Variants in ZBTB16 observed in about 807,000 individuals in gnomAD.
ZBTB16 encodes zinc finger and BTB domain-containing protein 16.
Under a neutral mutation model 56.8 loss-of-function variants are expected in ZBTB16, and 8 were observed. The ratio of observed to expected loss-of-function variants is 0.14; its 90% CI spans 0.08 to 0.25. The LOEUF (loss-of-function observed/expected upper bound fraction) is 0.25, where lower values mean the gene tolerates loss of function less well. Among genes scored for constraint, ZBTB16 ranks in the 10% least tolerant of loss-of-function variants. The pLI, the probability that ZBTB16 is intolerant of heterozygous loss-of-function variation, is 1.00. For missense variants in ZBTB16, 625 were observed against 903.0 expected, an observed-to-expected ratio of 0.69 and a Z score of 3.95; for synonymous variants, 363 against 368.5, an observed-to-expected ratio of 0.98 and a Z score of 0.17.
chr11:114,190,035 T>C (rs2135069957), intron 4 of ZBTB16, among the ~76,000 whole-genome samples: 2 of 152,312 alleles, frequency 1.3e-5, no homozygotes, highest in East Asian at 3.9e-4. Flanking sequence ...ACAACACAGA[T>C]GAACTTGAAC....
intron 5 of ZBTB16, among the ~76,000 whole-genome samples, chr11:114,245,621 G>T (rs1373948912): frequency 2.6e-5 from 4 of 152,138 alleles, no homozygotes; most frequent in Non-Finnish European, 5.9e-5. Context: ...TTTTAAAAAG[G>T]AAGTGAAGGC....
intron 2 of ZBTB16, among the ~76,000 whole-genome samples, chr11:114,115,341 CTTTTTTT>C (rs35873921): frequency 1.6e-5 from 2 of 127,542 alleles, no homozygotes; most frequent in African/African-American, 3.0e-5. Context: ...CTCCTTCCTC[CTTTTTTT>C]TTTTTTTTTT....
chr11:114,081,444 C>T (rs1023388741), intron 2 of ZBTB16, among the ~76,000 whole-genome samples: 1 of 152,146 alleles, frequency 6.6e-6, no homozygotes, highest in Non-Finnish European at 1.5e-5. Context: ...AATGGAAAGA[C>T]TATGATATAT....
At chr11:114,246,619 G>A (rs535692890) in intron 5 of ZBTB16, among the ~76,000 whole-genome samples, 2 of 152,308 alleles carry the variant, frequency 1.3e-5, no homozygotes, top group South Asian at 2.1e-4. Flanking sequence ...GGGAACTAAA[G>A]GGAAGCGTCC....
intron 4 of ZBTB16, chr11:114,210,015 G>A: frequency 1.0e-6 from 1 of 964,958 alleles, no homozygotes; most frequent in Non-Finnish European, 1.2e-6. Flanking sequence ...TCAGAAGCTT[G>A]GTTTCCTCAT....
chr11:114,197,131 C>T (rs1943629560), intron 4 of ZBTB16, among the ~76,000 whole-genome samples: 1 of 152,202 alleles, frequency 6.6e-6, no homozygotes, highest in South Asian at 2.1e-4. Flanking sequence ...TCCACTGTGA[C>T]TACAAAATAA....
chr11:114,227,980 C>T (rs1011407448), intron 4 of ZBTB16, among the ~76,000 whole-genome samples: 7 of 152,146 alleles, frequency 4.6e-5, no homozygotes, highest in Admixed American at 6.5e-5. Flanking sequence ...CTTATCATCC[C>T]GTAAAACAGA....
intron 2 of ZBTB16, among the ~76,000 whole-genome samples, chr11:114,077,607 C>T (rs115550428): frequency 5.8e-4 from 88 of 152,212 alleles, no homozygotes; most frequent in African/African-American, 1.8e-3. Context: ...AAAAATGAAA[C>T]GGCTGTTGCG....
rs939615419 is a variant in ZBTB16, at chr11:114,251,205, T to A, written c.*650T>A. Among the ~76,000 whole-genome samples the A allele has an allele frequency of 6.6e-6, 1 of 152,090 alleles. No individual in the cohort carries two copies. The highest frequency in any genetic ancestry group is 2.4e-5 in the African/African-American group (1 of 41,420). On this transcript the variant is annotated 3_prime_UTR_variant, in exon 7 of 7. Transcript: ENST00000335953. Reference sequence around the variant, plus strand: ...CCCTGCCCCTCCTCCAGCTCTTTGTTCCCAGCCTCCCCTTGACTCCTGTCC... The same window carrying A: ...CCCTGCCCCTCCTCCAGCTCTTTGTACCCAGCCTCCCCTTGACTCCTGTCC...
Position 114,167,529 on chromosome 11 carries a change from G to A in ZBTB16, c.1366+11095G>A, listed in dbSNP as rs949095800. On this transcript the variant is annotated intron_variant, in intron 3 of 6. Transcript: ENST00000335953. ...TGGTAAATGGAACATAAATAAAATT[G>A]TTTTTGAAATTACTGAATTAATTAG... 3.8e-4 allele frequency among the ~76,000 whole-genome samples: 57 copies of A among 149,724 alleles called. 1 individual carries two copies. The highest frequency in any genetic ancestry group is 1.3e-3 in the African/African-American group (54 of 40,732).
At chr11:114,082,912 C>A (rs1016078676) in intron 2 of ZBTB16, among the ~76,000 whole-genome samples, 1 of 152,202 alleles carries the variant, frequency 6.6e-6, no homozygotes, top group South Asian at 2.1e-4. Context: ...CGCTATCTCC[C>A]GCGGGCCAGT....
rs1448612730 is a variant in ZBTB16 at position 114,250,773 on chromosome 11, G to A, written c.*218G>A. 3 of 596,412 alleles carry A rather than the reference G, an allele frequency of 5.0e-6. No individual in the cohort carries two copies. The highest frequency in any genetic ancestry group is 2.8e-5 in the East Asian group (1 of 35,224). 36.9% of individuals were successfully genotyped at this position (596,412 alleles called of 1,614,324 possible). A position where few individuals can be genotyped will look rare whatever the true frequency, so the allele number is the denominator to read the frequency against. ...CTGGGGGCCTCCACCCTCCTCTCCC[G>A]GCTGGAGGTTTGCCTGATTTTCTGG... On this transcript the variant is annotated 3_prime_UTR_variant, in exon 7 of 7. Transcript: ENST00000335953. This position sits in a 1 kb window ranked among gnomAD's most constrained non-coding sequence, Gnocchi z 6.0.
intron 3 of ZBTB16, among the ~76,000 whole-genome samples, chr11:114,172,806 G>C (rs1322040488): frequency 6.6e-6 from 1 of 152,202 alleles, no homozygotes; most frequent in African/African-American, 2.4e-5. Context: ...ATGGCAAATA[G>C]TTTCCCACCT....
chr11:114,094,181 G>A (rs906193601), intron 2 of ZBTB16, among the ~76,000 whole-genome samples: 1 of 152,122 alleles, frequency 6.6e-6, no homozygotes, highest in African/African-American at 2.4e-5. Flanking sequence ...CAGGTGTGGT[G>A]GCGGGCGCCT....
rs564521510 is a variant in ZBTB16, at chr11:114,164,280, G to A, written c.1366+7846G>A. On this transcript the variant is annotated intron_variant, in intron 3 of 6. Transcript: ENST00000335953. ...TAACCTTCTTCCTTCTCCCTCTCTC[G>A]ATGATTTTTCTATCTCAGCATAGGG... is the stretch of plus-strand genomic sequence containing the variant. 8.5e-5 allele frequency among the ~76,000 whole-genome samples: 13 copies of A among 152,230 alleles called. No individual in the cohort carries two copies. In the East Asian group the frequency reaches 1.2e-3, roughly 14 times the overall value.
chr11:114,254,202 G>T lies in ZBTB16; in HGVS notation c.*3647G>T, dbSNP rs1200162978. 6.6e-6 allele frequency among the ~76,000 whole-genome samples: 1 copy of T among 151,788 alleles called. No homozygotes were observed. The highest frequency in any genetic ancestry group is 1.5e-5 in the Non-Finnish European group (1 of 67,998). ...ATATAGATATATATATATATAGCAA[G>T]AGATTGATATAAAATAGTAAATATC... On this transcript the variant is annotated 3_prime_UTR_variant, in exon 7 of 7. Coordinates refer to ENST00000335953, the MANE Select transcript of ZBTB16 (RefSeq NM_006006.6).
chr11:114,134,491 C>T (rs909168), intron 2 of ZBTB16, among the ~76,000 whole-genome samples: 60,294 of 151,928 alleles, frequency 0.4, 12,730 homozygotes, highest in African/African-American at 0.55. Context: ...AAGGAAAGGG[C>T]TAGTTATTAT....
At chr11:114,167,479 A>G (rs1337980080) in intron 3 of ZBTB16, among the ~76,000 whole-genome samples, 4 of 146,246 alleles carry the variant, frequency 2.7e-5, no homozygotes, top group Non-Finnish European at 5.9e-5. Context: ...TTTTAGCATC[A>G]GTAGGATTTT....
chr11:114,153,831 A>G lies in ZBTB16; in HGVS notation c.1269-2506A>G, dbSNP rs192546789. ...GTCTCTATTCAAAATATTTGATGTGATCTTCATCACTTTATAGGTGATCAA... is the reference window on the plus strand; with the variant it reads ...GTCTCTATTCAAAATATTTGATGTGGTCTTCATCACTTTATAGGTGATCAA... On this transcript the variant is annotated intron_variant, in intron 2 of 6. Coordinates refer to ENST00000335953, the MANE Select transcript of ZBTB16 (RefSeq NM_006006.6). 2.0e-5 allele frequency among the ~76,000 whole-genome samples: 3 copies of G among 152,342 alleles called. No individual in the cohort carries two copies. In the East Asian group the frequency reaches 5.8e-4, roughly 29 times the overall value.
Sources: gnomAD v4.1 joint callset for allele counts (sites outside exome capture counted in the v4.1 genomes callset) on GRCh38, gnomAD v4.1.1 for gene constraint, Gnocchi (gnomAD v3.1) non-coding constraint, MANE v1.5 for transcripts, NCBI Gene and HGNC (gene_info 2026-07-23, HGNC 2026-07-21) for gene names.